ZBTB46: variants seen among roughly 807,000 people sequenced by gnomAD.
ZBTB46 encodes the protein zinc finger and BTB domain containing 46, also known as zinc finger and BTB domain-containing protein 46.
ZBTB46 carries 8 observed loss-of-function variants against 44.1 expected under a neutral mutation model. The observed-to-expected ratio is 0.18, with a 90% CI of 0.11 to 0.33. ZBTB46 has a LOEUF of 0.33. Ranked by LOEUF, ZBTB46 falls within the 10% of genes least tolerant of loss-of-function variation. The probability of loss-of-function intolerance (pLI) is 1.00; values close to 1 mark genes in which losing one functional copy is unlikely to be tolerated. For missense variants in ZBTB46, 651 were observed against 847.7 expected, an observed-to-expected ratio of 0.77 and a Z score of 2.88; for synonymous variants, 409 against 382.3, an observed-to-expected ratio of 1.07 and a Z score of -0.81.
intron 1 of ZBTB46, among the ~76,000 whole-genome samples, chr20:63,796,372 G>A (rs2092604326): frequency 6.6e-6 from 1 of 152,172 alleles, no homozygotes; most frequent in African/African-American, 2.4e-5. Flanking sequence ...CCTCCCCTAG[G>A]GCCCATCCCT....
chr20:63,747,073 C>A lies in ZBTB46; in HGVS notation c.1627G>T (p.Gly543Trp), dbSNP rs149916239. Residue 543 changes from glycine (G) to tryptophan (W), a missense_variant, in exon 5 of 5, where the codon GGG becomes TGG. Around this residue, in one of 5 missense-constraint regions of ZBTB46, gnomAD observed 106 missense variants for 81.0 expected, o/e 1.31. Coordinates refer to ENST00000245663, the MANE Select transcript of ZBTB46 (RefSeq NM_001369741.1). ...PYLEDPEDPR[G>W]EAEELGEDDE... ...TCCTCGCCCAGCTCCTCCGCCTCCC[C>A]TCGTGGGTCCTCAGGGTCCTCCAGA... is the stretch of plus-strand genomic sequence containing the variant. The A allele has an allele frequency of 6.2e-7, 1 of 1,609,064 alleles. No homozygotes were observed.
In ZBTB46 at chr20:63,761,250, C is replaced by A. The variant is rs989417388; in HGVS notation, c.1223-8389G>T. The stretch of plus-strand genomic sequence containing the variant: ...CTGACCTCAAGTGATTGACGCACTT[C>A]AGCCTCCCAAAGTGCTGGGATTACA... On this transcript the variant is annotated intron_variant, in intron 3 of 4. Coordinates refer to ENST00000245663, the MANE Select transcript of ZBTB46 (RefSeq NM_001369741.1). 2.0e-5 allele frequency among the ~76,000 whole-genome samples: 3 copies of A among 150,932 alleles called. 1 individual carries two copies. The highest frequency in any genetic ancestry group is 3.0e-5 in the Non-Finnish European group (2 of 67,672).
At chr20:63,802,036 C>T (rs1311443002) in intron 1 of ZBTB46, among the ~76,000 whole-genome samples, 2 of 152,192 alleles carry the variant, frequency 1.3e-5, no homozygotes, top group African/African-American at 4.8e-5. Context: ...CCCCCGCCCC[C>T]GCCTCCCAAA....
chr20:63,783,411 G>A (rs1020418240), intron 2 of ZBTB46, among the ~76,000 whole-genome samples: 10 of 152,208 alleles, frequency 6.6e-5, no homozygotes, highest in Non-Finnish European at 4.4e-5. Context: ...CCTGGCGACC[G>A]AGCGAGACTC....
At chr20:63,761,646 G>T (rs931411941) in intron 3 of ZBTB46, among the ~76,000 whole-genome samples, 4 of 151,988 alleles carry the variant, frequency 2.6e-5, no homozygotes, top group African/African-American at 9.7e-5. Context: ...TCCAGGCGTG[G>T]TGGCCGGTGC....
intron 2 of ZBTB46, among the ~76,000 whole-genome samples, chr20:63,782,638 C>CACATCCAGACAACCACAGAACAGGCT (rs1216385308): frequency 6.6e-6 from 1 of 152,204 alleles, no homozygotes; most frequent in African/African-American, 2.4e-5. Flanking sequence ...CCCAAACGCC[C>CACATCCAGACAACCACAGAACAGGCT]ACATCCAGAC....
intron 3 of ZBTB46, among the ~76,000 whole-genome samples, chr20:63,761,833 G>A (rs973434074): frequency 6.6e-6 from 1 of 151,420 alleles, no homozygotes; most frequent in Non-Finnish European, 1.5e-5. Flanking sequence ...TCTTTGACTT[G>A]AGGGTTGTGT....
intron 4 of ZBTB46, among the ~76,000 whole-genome samples, chr20:63,750,150 T>A (rs2092146930): frequency 6.6e-6 from 1 of 152,214 alleles, no homozygotes; most frequent in South Asian, 2.1e-4. Context: ...AGCTGCTGTC[T>A]CACACTCGGG....
At position 63,753,254 on chromosome 20, in the gene ZBTB46, G is replaced by A. The variant is rs563237329; in HGVS notation, c.1223-393C>T. ...GTGGGTAGCAGGCCCTGGGCGTGGT[G>A]TCCGATCAGACGCCTCCCTGGAGGC... On this transcript the variant is annotated intron_variant, in intron 3 of 4. Transcript: ENST00000245663. 5.3e-5 allele frequency among the ~76,000 whole-genome samples: 8 copies of A among 152,328 alleles called. No homozygotes were observed. In the South Asian group the frequency reaches 1.7e-3, roughly 32 times the overall value.
At chr20:63,794,804 C>T (rs970955619) in intron 1 of ZBTB46, among the ~76,000 whole-genome samples, 1 of 134,492 alleles carries the variant, frequency 7.4e-6, no homozygotes, top group Admixed American at 8.0e-5. Flanking sequence ...CAAGATCTAA[C>T]GGACACACCC....
intron 1 of ZBTB46, among the ~76,000 whole-genome samples, chr20:63,809,006 GAA>G (rs1203809736): frequency 2.4e-5 from 3 of 122,624 alleles, no homozygotes; most frequent in Admixed American, 8.1e-5. Context: ...AAAAGAAAAA[GAA>G]AAAAAAAAAA....
Position 63,746,452 on chromosome 20 carries a change from C to T in ZBTB46, c.*478G>A, listed in dbSNP as rs2092090096. On this transcript the variant is annotated 3_prime_UTR_variant, in exon 5 of 5. Transcript: ENST00000245663. Reference sequence around the variant, plus strand: ...GCACCACGGGCCACGGCTGCAGCCACAGGCAGTGACCTGGCTGCTAGGGGA... The same window carrying T: ...GCACCACGGGCCACGGCTGCAGCCATAGGCAGTGACCTGGCTGCTAGGGGA... 6.3e-6 allele frequency: 1 copy of T among 157,678 alleles called. No individual in the cohort carries two copies. Among genetic ancestry groups the T allele is most frequent in the Admixed American group, 6.5e-5 (1 of 15,424 alleles). 9.8% of individuals were successfully genotyped at this position (157,678 alleles called of 1,614,324 possible).
chr20:63,769,138 G>A (rs1193500122), intron 3 of ZBTB46: 25 of 969,768 alleles, frequency 2.6e-5, no homozygotes, highest in Non-Finnish European at 3.1e-5. Flanking sequence ...CCTCCTCGGA[G>A]GTGCCCGGGC....
intron 1 of ZBTB46, among the ~76,000 whole-genome samples, chr20:63,801,811 C>T (rs2092648116): frequency 6.6e-6 from 1 of 152,178 alleles, no homozygotes; most frequent in Non-Finnish European, 1.5e-5. Flanking sequence ...AAGAACCCAC[C>T]AATTCCAGAC....
chr20:63,752,035 C>T lies in ZBTB46; in HGVS notation c.1398+651G>A, dbSNP rs1320844097. Among the ~76,000 whole-genome samples the T allele has an allele frequency of 6.6e-6, 1 of 151,924 alleles. No homozygotes were observed. The highest frequency in any genetic ancestry group is 2.4e-5 in the African/African-American group (1 of 41,384). ...CCTCTCCTCACACAGCTGCCCGCCG[C>T]GAGCTCCCCCTGCACCCTGCGCCTC... On this transcript the variant is annotated intron_variant, in intron 4 of 4. Transcript: ENST00000245663. The surrounding 1 kb of genome is among the most constrained non-coding windows in gnomAD (Gnocchi z 5.6).
intron 4 of ZBTB46, among the ~76,000 whole-genome samples, chr20:63,749,549 G>A (rs1355572140): frequency 6.6e-6 from 1 of 152,146 alleles, no homozygotes; most frequent in Admixed American, 6.5e-5. Context: ...TGTTAGCCAG[G>A]ATGGTCTCGA....
In ZBTB46 at chr20:63,805,343, C is replaced by G. The variant is rs371513651; in HGVS notation, c.-33-14553G>C. Among the ~76,000 whole-genome samples the G allele has an allele frequency of 6.6e-5, 10 of 152,176 alleles. 1 individual carries two copies. The highest frequency in any genetic ancestry group is 3.9e-4 in the Admixed American group (6 of 15,278). On this transcript the variant is annotated intron_variant, in intron 1 of 4. Transcript: ENST00000245663. ...GGGCAGTGTGGTACACACCTCTAAT[C>G]GCAGCACGTTGAGAGGCTGAGGCGG...
At chr20:63,761,147 C>T (rs758052066) in intron 3 of ZBTB46, among the ~76,000 whole-genome samples, 1 of 149,640 alleles carries the variant, frequency 6.7e-6, no homozygotes, top group Non-Finnish European at 1.5e-5. Flanking sequence ...TACAGGCACC[C>T]ACCACCATAC....
At chr20:63,810,619 A>AGTAG (rs879524794) in intron 1 of ZBTB46, among the ~76,000 whole-genome samples, 1 of 152,154 alleles carries the variant, frequency 6.6e-6, no homozygotes, top group Non-Finnish European at 1.5e-5. Flanking sequence ...GGTGGCACGC[A>AGTAG]CCTATAATCC....
Sources: gnomAD v4.1 joint callset for allele counts (sites outside exome capture counted in the v4.1 genomes callset) on GRCh38, gnomAD v4.1.1 for gene constraint, gnomAD v4.1.1 regional missense constraint, Gnocchi (gnomAD v3.1) non-coding constraint, MANE v1.5 for transcripts, NCBI Gene and HGNC (gene_info 2026-07-23, HGNC 2026-07-21) for gene names.